Variants in LMO2 observed in about 807,000 individuals in gnomAD.
The protein encoded by LMO2 is LIM domain only 2.
In LMO2, 20 loss-of-function variants were observed where a neutral mutation model predicts 23.2. The ratio of observed to expected loss-of-function variants is 0.86; its 90% confidence interval spans 0.61 to 1.25. LMO2 has a LOEUF of 1.25. Ranked by LOEUF, LMO2 falls within the 50% of genes most tolerant of loss-of-function variation. The probability of loss-of-function intolerance (pLI) is 0.00; values close to 1 mark genes in which losing one functional copy is unlikely to be tolerated. For synonymous variants in LMO2, 123 were observed against 130.2 expected (o/e 0.94, Z 0.38); for missense variants, 270 against 315.3 (o/e 0.86, Z 1.09).
chr11:33,885,271 A>C (rs1590657234), intron 1 of LMO2, among the ~76,000 whole-genome samples: 1 of 152,200 alleles, frequency 6.6e-6, no homozygotes, highest in East Asian at 1.9e-4. Context: ...CCATGACACT[A>C]GTTGTGCTGT....
chr11:33,875,375 C>T (rs551928946), intron 2 of LMO2, among the ~76,000 whole-genome samples: 3 of 151,992 alleles, frequency 2.0e-5, no homozygotes, highest in Admixed American at 6.6e-5. Flanking sequence ...GTCAGGAGTT[C>T]GAGACCAGCC....
chr11:33,882,257 C>T (rs909435639), intron 1 of LMO2, among the ~76,000 whole-genome samples: 3 of 152,128 alleles, frequency 2.0e-5, no homozygotes, highest in Non-Finnish European at 2.9e-5. Flanking sequence ...GTGGCCTTGC[C>T]ATTGTATGCA....
At position 33,880,235 on chromosome 11, in the gene LMO2, ATATC is replaced by A. The variant is rs771725830; in HGVS notation, c.-272+1585_-272+1588del. Among the ~76,000 whole-genome samples the A allele has an allele frequency of 2.3e-3, 331 of 143,972 alleles. No individual in the cohort carries two copies. Among genetic ancestry groups the A allele is most frequent in the Non-Finnish European group, 4.3e-3 (276 of 63,704 alleles). The allele number at this position is 143,972 out of a possible 152,430, so 94.5% of individuals were successfully genotyped here. A position where few individuals can be genotyped will look rare whatever the true frequency, so the allele number is the denominator to read the frequency against. ...TATATCATATATACACATGATATATATATCATATATACACATGATATATATATCA... is the reference window on the plus strand; with the variant it reads ...TATATCATATATACACATGATATATAATATATACACATGATATATATATCA... On this transcript the variant is annotated intron_variant, in intron 2 of 5. Coordinates refer to ENST00000257818, the MANE Select transcript of LMO2 (RefSeq NM_005574.4). This position sits in a 1 kb window ranked among gnomAD's most constrained non-coding sequence, Gnocchi z 4.3.
In LMO2 at chr11:33,869,848, T is replaced by G; in HGVS notation, c.-132A>C. 1.9e-6 allele frequency: 2 copies of G among 1,060,750 alleles called. No homozygotes were observed. 65.7% of individuals were successfully genotyped at this position (1,060,750 alleles called of 1,614,324 possible). A position where few individuals can be genotyped will look rare whatever the true frequency, so the allele number is the denominator to read the frequency against. ...ACCTTCGGCCCGGGTCGCGGCGCGC[T>G]GCTCGCCGCCGAGGGCAGAGAGGGG... is the stretch of plus-strand genomic sequence containing the variant. On this transcript the variant is annotated 5_prime_UTR_variant, in exon 3 of 6. Coordinates refer to ENST00000257818, the MANE Select transcript of LMO2 (RefSeq NM_005574.4).
intron 2 of LMO2, among the ~76,000 whole-genome samples, chr11:33,875,578 C>CAA (rs71037312): frequency 0.66 from 76,023 of 114,732 alleles, 24,925 homozygotes; most frequent in South Asian, 0.77. Context: ...AACTCCTTCT[C>CAA]AAAAAAAAAA....
chr11:33,887,202 C>T (rs1465575369), intron 1 of LMO2, among the ~76,000 whole-genome samples: 1 of 152,224 alleles, frequency 6.6e-6, no homozygotes, highest in Non-Finnish European at 1.5e-5. Flanking sequence ...ATTTGGAAAC[C>T]ACAAGCCATT....
chr11:33,886,092 C>A (rs11032436), intron 1 of LMO2, among the ~76,000 whole-genome samples: 3 of 151,998 alleles, frequency 2.0e-5, no homozygotes, highest in Non-Finnish European at 2.9e-5. Flanking sequence ...TGGCCAGGCT[C>A]GTCTCAAACT....
intron 5 of LMO2, among the ~76,000 whole-genome samples, chr11:33,862,212 G>A (rs1251900189): frequency 6.6e-6 from 1 of 152,184 alleles, no homozygotes; most frequent in Non-Finnish European, 1.5e-5. Context: ...TCAGAGGGGA[G>A]GGACCCTGGA....
intron 2 of LMO2, chr11:33,881,513 C>T (rs2133713136): frequency 2.5e-6 from 1 of 405,818 alleles, no homozygotes; most frequent in Non-Finnish European, 5.0e-6. Context: ...GGTAGCAAGT[C>T]ATCTAGGCTC....
Position 33,863,230 on chromosome 11 carries a change from T to TAA in LMO2, c.464+1370_464+1371dup, listed in dbSNP as rs55959734. ...TATCCAAGTTCTATTTTCTGTGACT[T>TAA]AAAAAAAAGAAAACTGACCAAAATT... On this transcript the variant is annotated intron_variant, in intron 5 of 5. Coordinates refer to ENST00000257818, the MANE Select transcript of LMO2 (RefSeq NM_005574.4). 1.2e-3 allele frequency among the ~76,000 whole-genome samples: 180 copies of TAA among 151,704 alleles called. 1 individual carries two copies. Among genetic ancestry groups the TAA allele is most frequent in the Middle Eastern group, 6.8e-3 (2 of 294 alleles).
intron 4 of LMO2, among the ~76,000 whole-genome samples, 179 bp downstream of exon 4, chr11:33,869,167 C>A (rs1373881343): frequency 1.3e-5 from 2 of 152,142 alleles, no homozygotes; most frequent in Non-Finnish European, 2.9e-5. Flanking sequence ...CAGTCCCTCT[C>A]CCAGAGCCCC....
In LMO2 at chr11:33,869,481, GCGCCGCCGCCGC is replaced by G. The variant is rs780680772; in HGVS notation, c.101_112del (p.Gly34_Gly37del). 1.4e-4 allele frequency: 174 copies of G among 1,206,490 alleles called. 2 individuals are homozygous for G. The highest frequency in any genetic ancestry group is 1.8e-4 in the African/African-American group (11 of 61,684). The allele number at this position is 1,206,490 out of a possible 1,614,324, so 74.7% of individuals were successfully genotyped here. ...GGCTCGGACCCCCTCGGGTGCTCGG[GCGCCGCCGCCGC>G]CGCCGCCGTCGCCGCCGCTCCTGCG... On this transcript the variant is annotated inframe_deletion, in exon 4 of 6. Coordinates refer to ENST00000257818, the MANE Select transcript of LMO2 (RefSeq NM_005574.4).
At chr11:33,873,054 C>T (rs566629498) in intron 2 of LMO2, among the ~76,000 whole-genome samples, 12 of 152,186 alleles carry the variant, frequency 7.9e-5, no homozygotes, top group African/African-American at 2.2e-4. Context: ...TGAGCCACCG[C>T]GCCTGGCCAC....
chr11:33,877,072 A>G (rs1857152492), intron 2 of LMO2, among the ~76,000 whole-genome samples: 1 of 152,250 alleles, frequency 6.6e-6, no homozygotes, highest in South Asian at 2.1e-4. Context: ...GTTCTGCCCT[A>G]CAAGGGCTTA....
intron 2 of LMO2, among the ~76,000 whole-genome samples, chr11:33,878,695 G>A (rs116787094): frequency 3.9e-4 from 59 of 152,282 alleles, no homozygotes; most frequent in Middle Eastern, 3.4e-3. Context: ...TACCCTGAAG[G>A]TTTCTCTGTC....
Position 33,869,550 on chromosome 11 carries a change from C to T in LMO2, c.44G>A (p.Ser15Asn). The change falls in exon 4 of 6, where the codon AGC (serine) becomes AAC (asparagine). Residue 15 changes from serine to asparagine, a missense_variant. By Grantham distance (46) the Ser-to-Asn change is conservative (BLOSUM62 1). This residue lies in a region of LMO2 where 170 missense variants were observed against 162.0 expected (regional missense o/e 1.05). Transcript: ENST00000257818. ...CTTGCTCCGGCGCTCCGCCGGCGAG[C>T]TCGCCCCTCCGCGCTCAAGGACAGT... is the stretch of plus-strand genomic sequence containing the variant. The part of the protein sequence containing the change: ...AVTVLERGGA[S>N]SPAERRSKRR... 7.8e-7 allele frequency: 1 copy of T among 1,283,900 alleles called. No individual in the cohort carries two copies. Among genetic ancestry groups the T allele is most frequent in the Non-Finnish European group, 1.0e-6 (1 of 1,003,218 alleles). 79.5% of individuals were successfully genotyped at this position (1,283,900 alleles called of 1,614,324 possible).
intron 2 of LMO2, among the ~76,000 whole-genome samples, chr11:33,877,648 A>G (rs1343361518): frequency 6.6e-6 from 1 of 151,886 alleles, no homozygotes; most frequent in Non-Finnish European, 1.5e-5. Flanking sequence ...TATTTGTAGT[A>G]GAGTCAGGGT....
chr11:33,859,508 G>T lies in LMO2; in HGVS notation c.532C>A (p.Arg178=), dbSNP rs765694269. Residue 178 remains arginine (R), a synonymous_variant, in exon 6 of 6, where the codon CGG becomes AGG. Transcript: ENST00000257818. Reference sequence around the variant, plus strand: ...AGGTGATACACTTTGTCTTTCACCCGCATTGTCATCTCATAGGCACGAATC... The same window carrying T: ...AGGTGATACACTTTGTCTTTCACCCTCATTGTCATCTCATAGGCACGAATC... ...KRIRAYEMTM[R]VKDKVYHLEC... The T allele has an allele frequency of 1.2e-6, 2 of 1,614,014 alleles. No individual in the cohort carries two copies. The highest frequency in any genetic ancestry group is 1.7e-6 in the Non-Finnish European group (2 of 1,180,000).
intron 5 of LMO2, 39 bp from the exon 6 acceptor site, chr11:33,859,614 G>C: frequency 6.3e-7 from 1 of 1,590,096 alleles, no homozygotes; most frequent in Non-Finnish European, 8.6e-7. Flanking sequence ...GACAGTGAAA[G>C]GGACAATCCT....
Sources: allele counts gnomAD v4.1 joint callset (sites outside exome capture counted in the v4.1 genomes callset), GRCh38; gene constraint gnomAD v4.1.1; regional missense constraint gnomAD v4.1.1; non-coding constraint Gnocchi (gnomAD v3.1); transcripts MANE v1.5; gene names NCBI Gene and HGNC (gene_info 2026-07-23, HGNC 2026-07-21).